Variants in DMD observed in about 807,000 individuals in gnomAD.
DMD encodes the protein mutant dystrophin.
A neutral mutation model predicts 330.1 loss-of-function variants in DMD; 63 were observed. The ratio of observed to expected loss-of-function variants is 0.19; its 90% CI spans 0.16 to 0.24. DMD has a LOEUF of 0.24. Among genes scored for constraint, DMD ranks in the 10% least tolerant of loss-of-function variants. The pLI, the probability that DMD is intolerant of heterozygous loss-of-function variation, is 1.00. For synonymous variants in DMD, 1,223 were observed against 959.8 expected, an observed-to-expected ratio of 1.27 and a Z score of -5.07; for missense variants, 3,344 against 2,684.1, an observed-to-expected ratio of 1.25 and a Z score of -5.43.
At chrX:32,545,129 T>A (rs1463060538) in intron 17 of DMD, 30 bp downstream of exon 17, 3 of 1,191,970 alleles carry the variant, frequency 2.5e-6, no homozygotes, top group Non-Finnish European at 2.3e-6. Flanking sequence ...CTCCACTTCA[T>A]TTGCAGATAA....
chrX:31,412,206 A>AAGAGAG (rs1556626056), intron 60 of DMD, among the ~76,000 whole-genome samples: 143 of 94,183 alleles, frequency 1.5e-3, no homozygotes, highest in East Asian at 4.3e-3. Context: ...AAAAAAAAAA[A>AAGAGAG]AGAGAGAGAG....
intron 60 of DMD, among the ~76,000 whole-genome samples, chrX:31,432,888 T>C (rs778406485): frequency 1.8e-5 from 2 of 112,606 alleles, no homozygotes; most frequent in South Asian, 7.4e-4. Flanking sequence ...TGATTTGATA[T>C]TTTATATTTT....
Position 31,741,241 on chromosome X carries a change from C to G in DMD, c.7543-11493G>C, listed in dbSNP as rs749790559. Among the ~76,000 whole-genome samples, 10 of 111,919 alleles carry G rather than the reference C, an allele frequency of 8.9e-5. No homozygotes were observed. In the East Asian group the frequency reaches 2.6e-3, roughly 29 times the overall value. On this transcript the variant is annotated intron_variant, in intron 51 of 78. Transcript: ENST00000357033. ...AGTGTTGGAATTAACTACTTCCAAACTCCTGATAATGTTGATATTTTGACC... is the reference window on the plus strand; with the variant it reads ...AGTGTTGGAATTAACTACTTCCAAAGTCCTGATAATGTTGATATTTTGACC...
intron 44 of DMD, among the ~76,000 whole-genome samples, chrX:32,180,074 G>A (rs753521891): frequency 6.3e-5 from 7 of 111,822 alleles, no homozygotes; most frequent in African/African-American, 1.9e-4. Flanking sequence ...ATTTTTTCTC[G>A]ATTGATGTCT....
At chrX:32,586,510 A>T (rs1375038369) in intron 13 of DMD, among the ~76,000 whole-genome samples, 1 of 109,403 alleles carries the variant, frequency 9.1e-6, no homozygotes, top group African/African-American at 3.3e-5. Context: ...CAAATGCTAT[A>T]TCTATTCATA....
At chrX:32,728,043 G>A (rs1373140632) in intron 7 of DMD, among the ~76,000 whole-genome samples, 1 of 111,384 alleles carries the variant, frequency 9.0e-6, no homozygotes, top group Non-Finnish European at 1.9e-5. Flanking sequence ...AATATTTTCA[G>A]AAAATGACAC....
intron 45 of DMD, among the ~76,000 whole-genome samples, chrX:31,938,234 T>C (rs2094947843): frequency 9.0e-6 from 1 of 111,496 alleles, no homozygotes; most frequent in Non-Finnish European, 1.9e-5. Context: ...ATTCCATACA[T>C]CCTTTGGATT....
At chrX:32,781,267 T>A (rs1245276847) in intron 7 of DMD, among the ~76,000 whole-genome samples, 11 of 111,484 alleles carry the variant, frequency 9.9e-5, no homozygotes, top group African/African-American at 3.3e-4. Flanking sequence ...AGGCCAGCAG[T>A]ACTATGGTGG....
chrX:31,237,442 A>T (rs1410842889), intron 63 of DMD, among the ~76,000 whole-genome samples: 2 of 112,708 alleles, frequency 1.8e-5, no homozygotes, highest in Non-Finnish European at 3.7e-5. Context: ...TTATGTGTTA[A>T]CTTTTCTGGA....
chrX:32,335,331 G>A (rs1289675339), intron 41 of DMD, among the ~76,000 whole-genome samples: 1 of 107,113 alleles, frequency 9.3e-6, no homozygotes, highest in African/African-American at 3.4e-5. Flanking sequence ...CCTCTGAGAA[G>A]CTTGGATTAC....
chrX:32,468,403 G>A, intron 23 of DMD, 95 bp downstream of exon 23: 1 of 782,998 alleles, frequency 1.3e-6, no homozygotes, highest in Non-Finnish European at 1.9e-6. Context: ...AGATGCTGAA[G>A]GTCAAATGCT....
At chrX:32,066,577 C>G (rs1245024932) in intron 44 of DMD, among the ~76,000 whole-genome samples, 1 of 111,418 alleles carries the variant, frequency 9.0e-6, no homozygotes, top group Non-Finnish European at 1.9e-5. Flanking sequence ...CATCTCGTCC[C>G]TACTTTCACA....
chrX:32,857,736 G>A (rs774945323), intron 2 of DMD, among the ~76,000 whole-genome samples: 1 of 111,418 alleles, frequency 9.0e-6, no homozygotes, highest in Non-Finnish European at 1.9e-5. Context: ...AAGTCTTGGA[G>A]TACAGAATAA....
At chrX:31,265,935 A>G (rs1035857554) in intron 62 of DMD, among the ~76,000 whole-genome samples, 1 of 108,792 alleles carries the variant, frequency 9.2e-6, no homozygotes, top group Non-Finnish European at 1.9e-5. Flanking sequence ...TCATGATGTA[A>G]AAACAGTTTA....
chrX:32,450,382 A>C (rs2098325082), intron 26 of DMD, among the ~76,000 whole-genome samples: 1 of 111,398 alleles, frequency 9.0e-6, no homozygotes, highest in African/African-American at 3.2e-5. Context: ...ACCGATTTTA[A>C]TTGATTGAAA....
At chrX:32,134,130 C>CT (rs1238131218) in intron 44 of DMD, among the ~76,000 whole-genome samples, 2 of 111,305 alleles carry the variant, frequency 1.8e-5, no homozygotes, top group East Asian at 2.8e-4. Context: ...TACCCTTCTT[C>CT]TTTTTTTTCA....
rs751892702 is a variant in DMD at position 32,929,039 on chromosome X, A to C, written c.94-79219T>G. 7.2e-5 allele frequency among the ~76,000 whole-genome samples: 8 copies of C among 111,505 alleles called. No individual in the cohort carries two copies. The East Asian group carries it at 2.0e-3, about 28-fold the overall frequency. ...AATGGATTTCGGGATGGAGAAAGGA[A>C]TACAAAAATAAGCGACTTCAGGGAT... On this transcript the variant is annotated intron_variant, in intron 2 of 78. Transcript: ENST00000357033.
At chrX:31,506,667 C>T (rs193190724) in intron 56 of DMD, among the ~76,000 whole-genome samples, 1 of 111,988 alleles carries the variant, frequency 8.9e-6, no homozygotes, top group Non-Finnish European at 1.9e-5. Flanking sequence ...AGAAAGCTGG[C>T]ACATAGAAGG....
In DMD at chrX:31,968,623, T is replaced by C. The variant is rs2095371734; in HGVS notation, c.6439-109A>G. 5.9e-6 allele frequency: 5 copies of C among 850,506 alleles called. No individual in the cohort carries two copies. The African/African-American group carries it at 6.1e-5, about 10-fold the overall frequency. The allele number at this position is 850,506 out of a possible 1,213,427, so 70.1% of individuals were successfully genotyped here. A position where few individuals can be genotyped will look rare whatever the true frequency, so the allele number is the denominator to read the frequency against. On this transcript the variant is annotated intron_variant, in intron 44 of 78. Transcript: ENST00000357033. ...GCAGTTGTACTGGCAAAGAAAGAAA[T>C]ACAAAAGCTCCATGTGAAAATTTCC...
Sources: gnomAD v4.1 joint callset for allele counts (sites outside exome capture counted in the v4.1 genomes callset) on GRCh38, gnomAD v4.1.1 for gene constraint, MANE v1.5 for transcripts, NCBI Gene and HGNC (gene_info 2026-07-23, HGNC 2026-07-21) for gene names.